Variants in DLG5 observed in about 807,000 individuals in gnomAD.
DLG5 encodes the protein disks large homolog 5.
A neutral mutation model predicts 189.8 loss-of-function variants in DLG5; 48 were observed. That is an observed-to-expected ratio of 0.25 (90% CI 0.20 to 0.32). DLG5 has a LOEUF of 0.32. DLG5 is among the 10% of genes least tolerant of loss of function. The probability of loss-of-function intolerance (pLI) is 1.00; values close to 1 mark genes in which losing one functional copy is unlikely to be tolerated. For missense variants in DLG5, 2,160 were observed against 2,544.7 expected (o/e 0.85, Z 3.25); for synonymous variants, 1,016 against 1,054.1 (o/e 0.96, Z 0.70).
At position 77,926,327 on chromosome 10, in the gene DLG5, C is replaced by T. The variant is rs1410660037; in HGVS notation, c.194G>A (p.Arg65Gln). 4 of 1,604,150 alleles carry T rather than the reference C, an allele frequency of 2.5e-6. No homozygotes were observed. Among genetic ancestry groups the T allele is most frequent in the Admixed American group, 3.4e-5 (2 of 58,706 alleles). Residue 65 changes from arginine to glutamine, a missense_variant, in exon 1 of 32, where the codon CGG (arginine) becomes CAG (glutamine). Physicochemically the swap from Arg to Gln is conservative, Grantham distance 43. Around this residue, in one of 5 missense-constraint regions of DLG5, gnomAD observed 664 missense variants for 838.5 expected, o/e 0.79. Transcript: ENST00000372391. The surrounding 1 kb of genome is among the most constrained non-coding windows in gnomAD (Gnocchi z 5.2). Reference protein sequence around the residue: ...LLLKLLLAKERDHFQDLRAAL... With the variant: ...LLLKLLLAKEQDHFQDLRAAL... ...CGCCCGCAGGTCCTGGAAGTGGTCC[C>T]GCTCCTTGGCCAAGAGCAGCTTGAG... is the stretch of plus-strand genomic sequence containing the variant.
intron 6 of DLG5, 48 bp downstream of exon 6, chr10:77,843,399 A>C: frequency 6.3e-7 from 1 of 1,592,454 alleles, no homozygotes; most frequent in Non-Finnish European, 8.6e-7. Flanking sequence ...GTGGCTGGGA[A>C]CCTTATAGGA....
intron 9 of DLG5, among the ~76,000 whole-genome samples, chr10:77,832,427 C>T (rs539375177): frequency 6.6e-5 from 10 of 152,332 alleles, no homozygotes; most frequent in South Asian, 2.1e-4. Context: ...GCCCCAGGGC[C>T]GCACCTTTGC....
At chr10:77,911,925 G>A (rs973628100) in intron 1 of DLG5, among the ~76,000 whole-genome samples, 4 of 151,548 alleles carry the variant, frequency 2.6e-5, no homozygotes, top group African/African-American at 9.7e-5. Context: ...CAGGCTGGGT[G>A]TGGCAACTCA....
intron 1 of DLG5, among the ~76,000 whole-genome samples, chr10:77,907,544 A>T (rs192090627): frequency 6.6e-6 from 1 of 152,284 alleles, no homozygotes; most frequent in African/African-American, 2.4e-5. Context: ...ATGCCACTGC[A>T]CTCCAGCCTG....
intron 6 of DLG5, among the ~76,000 whole-genome samples, 155 bp from the exon 7 acceptor site, chr10:77,842,348 A>C (rs1416607093): frequency 1.3e-5 from 2 of 152,314 alleles, no homozygotes; most frequent in East Asian, 3.9e-4. Flanking sequence ...GAGAAAAGTC[A>C]TGGAGTACCA....
rs77407048 is a variant in DLG5 at position 77,898,307 on chromosome 10, G to C, written c.304+27910C>G. Among the ~76,000 whole-genome samples, 451 of 152,320 alleles carry C rather than the reference G, an allele frequency of 3.0e-3. 6 individuals are homozygous for C. The highest frequency in any genetic ancestry group is 0.023 in the Admixed American group (353 of 15,302). On this transcript the variant is annotated intron_variant, in intron 1 of 31. Coordinates refer to ENST00000372391, the MANE Select transcript of DLG5 (RefSeq NM_004747.4). Reference sequence around the variant, plus strand: ...GTTCCCTGGGACTTCACTTTTCTTGGAGAAGGAGAGAGAAAAAGGGAAGCA... The same window carrying C: ...GTTCCCTGGGACTTCACTTTTCTTGCAGAAGGAGAGAGAAAAAGGGAAGCA...
rs140077556 is a variant in DLG5, at chr10:77,834,637, T to C, written c.1623-598A>G. Among the ~76,000 whole-genome samples the C allele has an allele frequency of 2.5e-3, 384 of 152,228 alleles. 1 individual carries two copies. The highest frequency in any genetic ancestry group is 2.9e-3 in the Non-Finnish European group (199 of 67,980). ...CCCAAGGAGGTGGAAACAGATTACC[T>C]GGCTGTGGAGGGGCCTGGGCTCTGT... On this transcript the variant is annotated intron_variant, in intron 8 of 31. Coordinates refer to ENST00000372391, the MANE Select transcript of DLG5 (RefSeq NM_004747.4).
At chr10:77,881,886 T>C (rs2154577384) in intron 1 of DLG5, among the ~76,000 whole-genome samples, 1 of 152,278 alleles carries the variant, frequency 6.6e-6, no homozygotes, top group Middle Eastern at 3.4e-3. Context: ...CATCCCAGGC[T>C]TCACAGGTCG....
At chr10:77,897,157 AC>A (rs1332122409) in intron 1 of DLG5, among the ~76,000 whole-genome samples, 3 of 152,004 alleles carry the variant, frequency 2.0e-5, no homozygotes, top group African/African-American at 7.2e-5. Flanking sequence ...GGAGTTCAAG[AC>A]CAGTCTGGCC....
chr10:77,920,282 T>C (rs543372744), intron 1 of DLG5, among the ~76,000 whole-genome samples: 3 of 152,324 alleles, frequency 2.0e-5, no homozygotes, highest in East Asian at 1.9e-4. Flanking sequence ...TTTAATTACT[T>C]TGTAGAGGAG....
At chr10:77,863,941 G>A (rs1012828029) in intron 2 of DLG5, among the ~76,000 whole-genome samples, 1 of 152,164 alleles carries the variant, frequency 6.6e-6, no homozygotes, top group Non-Finnish European at 1.5e-5. Flanking sequence ...AGGAGAGAAG[G>A]AAGCAGGACA....
At chr10:77,800,533 C>T (rs529552935) in intron 27 of DLG5, among the ~76,000 whole-genome samples, 234 of 151,346 alleles carry the variant, frequency 1.5e-3, no homozygotes, top group Non-Finnish European at 2.1e-3. Flanking sequence ...ACGGGGCCGC[C>T]GCTGAGGGGC....
At chr10:77,920,473 G>A (rs1589284641) in intron 1 of DLG5, among the ~76,000 whole-genome samples, 1 of 152,310 alleles carries the variant, frequency 6.6e-6, no homozygotes, top group Non-Finnish European at 1.5e-5. Context: ...TGACATCGCT[G>A]CTGCTTGTCT....
rs1846681465 is a variant in DLG5 at position 77,926,097 on chromosome 10, A to G, written c.304+120T>C. ...GCCGCCTCCCCAACTGGGCCAGAGG[A>G]GCGAGTCCACCGAGGCCATCGCCAG... On this transcript the variant is annotated intron_variant, in intron 1 of 31. Transcript: ENST00000372391. The surrounding 1 kb of genome is among the most constrained non-coding windows in gnomAD (Gnocchi z 5.2). 3 of 1,081,132 alleles carry G rather than the reference A, an allele frequency of 2.8e-6. No homozygotes were observed. The African/African-American group carries it at 4.9e-5, about 18-fold the overall frequency. 67.0% of individuals were successfully genotyped at this position (1,081,132 alleles called of 1,614,324 possible). A position where few individuals can be genotyped will look rare whatever the true frequency, so the allele number is the denominator to read the frequency against.
intron 20 of DLG5, among the ~76,000 whole-genome samples, chr10:77,814,088 C>T (rs1470088615): frequency 6.6e-6 from 1 of 151,926 alleles, no homozygotes; most frequent in African/African-American, 2.4e-5. Context: ...AATGATTCTC[C>T]TGCCTCAGCC....
chr10:77,900,972 G>A (rs537313188), intron 1 of DLG5, among the ~76,000 whole-genome samples: 3 of 149,542 alleles, frequency 2.0e-5, no homozygotes, highest in East Asian at 2.0e-4. Flanking sequence ...CAAGCAAGCC[G>A]GGCATGGTGG....
At chr10:77,839,848 G>T (rs963335614) in intron 7 of DLG5, among the ~76,000 whole-genome samples, 1 of 152,032 alleles carries the variant, frequency 6.6e-6, no homozygotes, top group Non-Finnish European at 1.5e-5. Context: ...TGCCTCAAGG[G>T]TCTGGAGAAG....
intron 2 of DLG5, chr10:77,868,257 C>T (rs1453295202): frequency 2.6e-6 from 1 of 377,386 alleles, no homozygotes; most frequent in Non-Finnish European, 5.3e-6. Flanking sequence ...CACTACCTTC[C>T]CTTACTGCAG....
chr10:77,850,675 G>C (rs1390929420), intron 5 of DLG5, among the ~76,000 whole-genome samples: 1 of 152,162 alleles, frequency 6.6e-6, no homozygotes, highest in Non-Finnish European at 1.5e-5. Context: ...TACACATCCT[G>C]GATGAGGCAG....
Sources: allele counts gnomAD v4.1 joint callset (sites outside exome capture counted in the v4.1 genomes callset), GRCh38; gene constraint gnomAD v4.1.1; regional missense constraint gnomAD v4.1.1; non-coding constraint Gnocchi (gnomAD v3.1); transcripts MANE v1.5; gene names NCBI Gene and HGNC (gene_info 2026-07-23, HGNC 2026-07-21).